The following RORA variants were observed in gnomAD, a reference collection of about 807,000 sequenced individuals.
RORA encodes the protein RAR related orphan receptor A, also known as nuclear receptor ROR-alpha.
RORA carries 7 observed loss-of-function variants against 69.5 expected under a neutral mutation model. The observed-to-expected ratio is 0.10, with a 90% CI of 0.06 to 0.19. The LOEUF (loss-of-function observed/expected upper bound fraction) is 0.19. RORA is among the 10% of genes least tolerant of loss of function. The pLI is 1.00. For missense variants in RORA, 457 were observed against 663.0 expected (o/e 0.69, Z 3.41); for synonymous variants, 261 against 240.8 (o/e 1.08, Z -0.78).
At chr15:60,679,259 GC>G (rs1463008716) in intron 1 of RORA, among the ~76,000 whole-genome samples, 1 of 152,088 alleles carries the variant, frequency 6.6e-6, no homozygotes, top group Non-Finnish European at 1.5e-5. Context: ...TCTAAAAATG[GC>G]CCCCAAATGT....
At chr15:60,651,457 T>C (rs757812165) in intron 2 of RORA, among the ~76,000 whole-genome samples, 2 of 152,176 alleles carry the variant, frequency 1.3e-5, no homozygotes. Context: ...CTTGGCATAC[T>C]CTGGAGCTTA....
chr15:60,934,513 T>G lies in RORA; in HGVS notation c.167-255827A>C, dbSNP rs574978039. 2.9e-3 allele frequency among the ~76,000 whole-genome samples: 434 copies of G among 150,214 alleles called. 3 individuals are homozygous for G. Among genetic ancestry groups the G allele is most frequent in the African/African-American group, 9.8e-3 (393 of 39,914 alleles). On this transcript the variant is annotated intron_variant, in intron 1 of 10. Transcript: ENST00000335670. ...GTTGTTGTTGTTTGTTTGTTTGTTT[T>G]TTTCTGATATGAGGTCTCACTATGT...
chr15:60,591,934 C>T (rs1192168326), intron 2 of RORA, among the ~76,000 whole-genome samples: 2 of 152,040 alleles, frequency 1.3e-5, no homozygotes, highest in Non-Finnish European at 2.9e-5. Context: ...ACAACGCGCA[C>T]GCACGGCCCT....
chr15:60,894,326 C>A (rs1484663802), intron 1 of RORA, among the ~76,000 whole-genome samples: 1 of 152,214 alleles, frequency 6.6e-6, no homozygotes, highest in Non-Finnish European at 1.5e-5. Context: ...GAGTTTTGTA[C>A]ACTTTCGTGA....
Position 60,614,841 on chromosome 15 carries a change from A to G in RORA, c.196+63816T>C, listed in dbSNP as rs2069187521. The G allele has an allele frequency of 3.5e-6, 5 of 1,418,844 alleles. No homozygotes were observed. The Admixed American group carries it at 5.2e-5, about 15-fold the overall frequency. The allele number at this position is 1,418,844 out of a possible 1,614,324, so 87.9% of individuals were successfully genotyped here. On this transcript the variant is annotated intron_variant, in intron 2 of 10. Transcript: ENST00000335670. ...CACGCACATGCAGACAGACACTGAC[A>G]TGCTTACATACATATAGCTGCCTGG...
intron 1 of RORA, among the ~76,000 whole-genome samples, chr15:61,101,442 T>A (rs577990210): frequency 6.6e-6 from 1 of 152,006 alleles, no homozygotes. Context: ...GGGAACAAGA[T>A]GTGCAAGGGC....
At chr15:60,943,698 C>G (rs1310662295) in intron 1 of RORA, among the ~76,000 whole-genome samples, 1 of 151,486 alleles carries the variant, frequency 6.6e-6, no homozygotes, top group Non-Finnish European at 1.5e-5. Flanking sequence ...GGGGGATTGC[C>G]TGAGCTCAGG....
chr15:60,752,435 A>G (rs531785502), intron 1 of RORA, among the ~76,000 whole-genome samples: 3 of 152,212 alleles, frequency 2.0e-5, no homozygotes, highest in African/African-American at 7.2e-5. Context: ...TTGGTACCTA[A>G]ATAAACAATC....
At chr15:61,052,584 T>C (rs1172403273) in intron 1 of RORA, among the ~76,000 whole-genome samples, 1 of 152,198 alleles carries the variant, frequency 6.6e-6, no homozygotes, top group Middle Eastern at 3.2e-3. Context: ...TGGATTTGCT[T>C]TACCAGATCA....
At chr15:60,658,732 G>T (rs951896314) in intron 2 of RORA, among the ~76,000 whole-genome samples, 3 of 152,222 alleles carry the variant, frequency 2.0e-5, no homozygotes, top group Non-Finnish European at 4.4e-5. Flanking sequence ...AAGATAACAT[G>T]TTACAGGTAA....
intron 1 of RORA, among the ~76,000 whole-genome samples, chr15:61,203,236 A>G (rs143541365): frequency 1.0e-3 from 153 of 152,326 alleles, no homozygotes; most frequent in African/African-American, 3.4e-3. Flanking sequence ...ACAAAAGAAC[A>G]CATTTGGCAT....
At chr15:61,212,222 C>G (rs1408361756) in intron 1 of RORA, among the ~76,000 whole-genome samples, 1 of 149,992 alleles carries the variant, frequency 6.7e-6, no homozygotes, top group Non-Finnish European at 1.5e-5. Flanking sequence ...CAACTCAATG[C>G]TGTCTGTGTA....
intron 1 of RORA, among the ~76,000 whole-genome samples, chr15:60,734,079 T>C (rs1270769185): frequency 1.3e-5 from 2 of 152,136 alleles, no homozygotes; most frequent in Non-Finnish European, 2.9e-5. Flanking sequence ...CTCTTAATCC[T>C]TCATCAGCCT....
At chr15:60,628,546 T>A (rs184037333) in intron 2 of RORA, among the ~76,000 whole-genome samples, 502 of 152,272 alleles carry the variant, frequency 3.3e-3, no homozygotes, top group African/African-American at 0.011. Flanking sequence ...TACATTTTTT[T>A]AAATACAGAC....
At chr15:61,193,909 C>T (rs1417518532) in intron 1 of RORA, 1 of 152,162 alleles carries the variant, frequency 6.6e-6, no homozygotes, top group Non-Finnish European at 1.5e-5. Context: ...AGGGTTGTTG[C>T]TCTTAACGCG....
chr15:60,513,554 A>C (rs371716529), intron 4 of RORA, among the ~76,000 whole-genome samples: 1 of 152,254 alleles, frequency 6.6e-6, no homozygotes, highest in Non-Finnish European at 1.5e-5. Flanking sequence ...AATTGATGAG[A>C]TATACCTAAC....
intron 1 of RORA, among the ~76,000 whole-genome samples, chr15:61,149,321 G>A (rs11857048): frequency 0.045 from 6,833 of 152,030 alleles, 524 homozygotes; most frequent in African/African-American, 0.16. Flanking sequence ...GGTCTTTCTT[G>A]TCTCTCTTCA....
chr15:60,940,471 C>G (rs1303118684), intron 1 of RORA, among the ~76,000 whole-genome samples: 4 of 152,024 alleles, frequency 2.6e-5, no homozygotes, highest in Non-Finnish European at 4.4e-5. Flanking sequence ...AGACAGAAAG[C>G]TGATCTGTGG....
At position 60,552,100 on chromosome 15, in the gene RORA, T is replaced by A. The variant is rs28521167; in HGVS notation, c.197-20249A>T. Among the ~76,000 whole-genome samples the A allele has an allele frequency of 4.3e-3, 653 of 152,178 alleles. 12 individuals carry two copies. Among genetic ancestry groups the A allele is most frequent in the African/African-American group, 0.015 (622 of 41,514 alleles). On this transcript the variant is annotated intron_variant, in intron 2 of 10. Coordinates refer to ENST00000335670, the MANE Select transcript of RORA (RefSeq NM_134261.3). ...GAGGCAGTGAGCCTTGCATCATAGG[T>A]AGAACACGATGCAGCTGCAGGTGCA...
Sources: gnomAD v4.1 joint callset for allele counts (sites outside exome capture counted in the v4.1 genomes callset) on GRCh38, gnomAD v4.1.1 for gene constraint, MANE v1.5 for transcripts, NCBI Gene and HGNC (gene_info 2026-07-23, HGNC 2026-07-21) for gene names.